The following HAUS2 variants were observed in gnomAD, a reference collection of about 807,000 sequenced individuals.
HAUS2 encodes the protein HAUS augmin like complex subunit 2.
HAUS2 carries 20 observed loss-of-function variants against 21.6 expected under a neutral mutation model. The ratio of observed to expected loss-of-function variants is 0.93; its 90% CI spans 0.65 to 1.35. The LOEUF (loss-of-function observed/expected upper bound fraction) is 1.35, where lower values mean the gene tolerates loss of function less well. Ranked by LOEUF, HAUS2 falls within the 40% of genes most tolerant of loss-of-function variation. The pLI is 0.00. For synonymous variants in HAUS2, 113 were observed against 95.6 expected, an observed-to-expected ratio of 1.18 and a Z score of -1.06; for missense variants, 297 against 280.7, an observed-to-expected ratio of 1.06 and a Z score of -0.42.
Position 42,566,667 on chromosome 15 carries a change from A to G in HAUS2, c.559A>G (p.Ile187Val). ...TGAGACAGAAGAACTGGCAGAGAAT[A>G]TACTCAAGTGGCGTAAACAACAAAA... ...VTETEELAEN[I>V]LKWRKQQNEV... is the part of the protein sequence containing the mutation. The change falls in exon 6 of 6, where the codon ATA (isoleucine) becomes GTA (valine). Residue 187 changes from isoleucine to valine, a missense_variant. Transcript: ENST00000260372. 1 of 1,607,814 alleles carries G rather than the reference A, an allele frequency of 6.2e-7. No homozygotes were observed. The highest frequency in any genetic ancestry group is 8.5e-7 in the Non-Finnish European group (1 of 1,174,294).
chr15:42,556,178 T>C (rs1276659778), intron 1 of HAUS2, among the ~76,000 whole-genome samples: 1 of 146,808 alleles, frequency 6.8e-6, no homozygotes, highest in African/African-American at 2.5e-5. Flanking sequence ...GCCAGGCTGG[T>C]CTCAAACTCC....
intron 1 of HAUS2, among the ~76,000 whole-genome samples, chr15:42,549,804 G>T (rs1463932275): frequency 8.6e-6 from 1 of 115,708 alleles, no homozygotes; most frequent in East Asian, 2.4e-4. Context: ...TGGCTAAAAA[G>T]ATAAGACCTT....
chr15:42,553,326 G>T (rs541612000), intron 1 of HAUS2, among the ~76,000 whole-genome samples: 1 of 152,068 alleles, frequency 6.6e-6, no homozygotes, highest in Non-Finnish European at 1.5e-5. Context: ...CCTAGCCACG[G>T]AATAAACAGA....
At chr15:42,560,954 T>A (rs1408030815) in intron 3 of HAUS2, 1 of 636,056 alleles carries the variant, frequency 1.6e-6, no homozygotes, top group Non-Finnish European at 2.8e-6. Flanking sequence ...AAAAAAGACT[T>A]TGTGTTAAGA....
intron 2 of HAUS2, among the ~76,000 whole-genome samples, 164 bp from the exon 3 acceptor site, chr15:42,559,175 C>T (rs997218038): frequency 6.7e-6 from 1 of 149,840 alleles, no homozygotes; most frequent in Non-Finnish European, 1.5e-5. Flanking sequence ...CACTCTGTCA[C>T]CCATACTGGA....
At chr15:42,556,017 G>C (rs1595548561) in intron 1 of HAUS2, among the ~76,000 whole-genome samples, 1 of 151,772 alleles carries the variant, frequency 6.6e-6, no homozygotes, top group East Asian at 1.9e-4. Flanking sequence ...CGCGATCTCG[G>C]CTCACTGCAA....
chr15:42,564,393 CAT>C (rs1039124271), intron 5 of HAUS2, among the ~76,000 whole-genome samples: 29 of 151,692 alleles, frequency 1.9e-4, no homozygotes, highest in Middle Eastern at 6.9e-3. Context: ...ATTTAATAAA[CAT>C]GTGTTGGCTT....
At chr15:42,550,284 G>GAAAAAAAAAA (rs61442261) in intron 1 of HAUS2, among the ~76,000 whole-genome samples, 1 of 98,368 alleles carries the variant, frequency 1.0e-5, no homozygotes, top group Admixed American at 1.2e-4. Context: ...CTGTCTCAGG[G>GAAAAAAAAAA]AAAAAAAAAA....
chr15:42,552,416 A>G (rs2057734983), intron 1 of HAUS2, among the ~76,000 whole-genome samples: 1 of 152,226 alleles, frequency 6.6e-6, no homozygotes, highest in South Asian at 2.1e-4. Flanking sequence ...TTTAATGCAC[A>G]TCATTTTTTG....
intron 1 of HAUS2, among the ~76,000 whole-genome samples, chr15:42,557,030 G>A (rs2141596076): frequency 6.6e-6 from 1 of 150,518 alleles, no homozygotes; most frequent in South Asian, 2.1e-4. Context: ...GGTGACAAGA[G>A]CGAAACTCAG....
At chr15:42,565,082 C>T (rs2057892704) in intron 5 of HAUS2, among the ~76,000 whole-genome samples, 1 of 150,730 alleles carries the variant, frequency 6.6e-6, no homozygotes, top group Non-Finnish European at 1.5e-5. Context: ...GGTGATCCAC[C>T]TGCCTCAGCC....
Position 42,566,908 on chromosome 15 carries a change from G to A in HAUS2, c.*92G>A, listed in dbSNP as rs953225553. On this transcript the variant is annotated 3_prime_UTR_variant, in exon 6 of 6. Coordinates refer to ENST00000260372, the MANE Select transcript of HAUS2 (RefSeq NM_018097.3). ...TGGGTATTAATAGTCTTTGCTGCTGGTAATACTGAAAGAACCTGCTTTATA... is the reference window on the plus strand; with the variant it reads ...TGGGTATTAATAGTCTTTGCTGCTGATAATACTGAAAGAACCTGCTTTATA... 1.5e-6 allele frequency: 1 copy of A among 646,128 alleles called. No homozygotes were observed. The highest frequency in any genetic ancestry group is 1.8e-5 in the African/African-American group (1 of 54,726). 40.0% of individuals were successfully genotyped at this position (646,128 alleles called of 1,614,324 possible).
intron 4 of HAUS2, among the ~76,000 whole-genome samples, chr15:42,563,257 C>T (rs1403764641): frequency 6.6e-6 from 1 of 151,162 alleles, no homozygotes; most frequent in African/African-American, 2.4e-5. Flanking sequence ...GCTAAAAATA[C>T]AAAAATTAGC....
At chr15:42,556,261 C>CTG in intron 1 of HAUS2, among the ~76,000 whole-genome samples, 1 of 76,302 alleles carries the variant, frequency 1.3e-5, no homozygotes, top group East Asian at 3.2e-4. Context: ...TGCGCCCAGG[C>CTG]TTTTTTTTTT....
chr15:42,551,658 C>T (rs1328157432), intron 1 of HAUS2, among the ~76,000 whole-genome samples: 1 of 152,004 alleles, frequency 6.6e-6, no homozygotes, highest in Non-Finnish European at 1.5e-5. Flanking sequence ...AACAACCCCC[C>T]AACTTTTGGT....
chr15:42,556,099 G>A (rs977744920), intron 1 of HAUS2, among the ~76,000 whole-genome samples: 4 of 149,940 alleles, frequency 2.7e-5, no homozygotes, highest in African/African-American at 9.8e-5. Context: ...GGGATTACAG[G>A]CGCCTGCCAC....
At chr15:42,560,515 G>A (rs1479684617) in intron 3 of HAUS2, among the ~76,000 whole-genome samples, 1 of 152,036 alleles carries the variant, frequency 6.6e-6, no homozygotes, top group Non-Finnish European at 1.5e-5. Flanking sequence ...AAACTTTTCT[G>A]CAAATCTGAA....
In HAUS2 at chr15:42,566,784, A is replaced by G. The variant is rs1445788658; in HGVS notation, c.676A>G (p.Lys226Glu). The change falls in exon 6 of 6, where the codon AAA becomes GAA. Residue 226 changes from lysine (K) to glutamate (E), a missense_variant. Transcript: ENST00000260372. Reference protein sequence around the residue: ...IIMPPLPFTSKVHVQTINAK With the variant: ...IIMPPLPFTSEVHVQTINAK ...AATGCCTCCTTTACCTTTTACTTCTAAAGTTCATGTCCAAACTATTAATGC... is the reference window on the plus strand; with the variant it reads ...AATGCCTCCTTTACCTTTTACTTCTGAAGTTCATGTCCAAACTATTAATGC... The G allele has an allele frequency of 1.9e-6, 3 of 1,541,880 alleles. No homozygotes were observed. Among genetic ancestry groups the G allele is most frequent in the African/African-American group, 2.7e-5 (2 of 73,490 alleles).
intron 1 of HAUS2, among the ~76,000 whole-genome samples, chr15:42,555,287 C>T (rs2057761088): frequency 6.6e-6 from 1 of 151,852 alleles, no homozygotes; most frequent in South Asian, 2.1e-4. Context: ...CGCCCGGCTG[C>T]CTGGCTAATT....
Sources: allele counts gnomAD v4.1 joint callset (sites outside exome capture counted in the v4.1 genomes callset), GRCh38; gene constraint gnomAD v4.1.1; transcripts MANE v1.5; gene names NCBI Gene and HGNC (gene_info 2026-07-23, HGNC 2026-07-21).